SEMA5A: variants seen among roughly 807,000 people sequenced by gnomAD.
SEMA5A encodes the protein semaphorin 5A.
In SEMA5A, 55 loss-of-function variants were observed where a neutral mutation model predicts 135.5. That is an observed-to-expected ratio of 0.41 (90% CI 0.33 to 0.51). The LOEUF is 0.51. SEMA5A is among the 20% of genes least tolerant of loss of function. SEMA5A has a pLI of 0.37. For missense variants in SEMA5A, 1,290 were observed against 1,419.9 expected (o/e 0.91, Z 1.47); for synonymous variants, 580 against 546.5 (o/e 1.06, Z -0.85).
At chr5:9,322,755 T>G (rs1752686336) in intron 4 of SEMA5A, among the ~76,000 whole-genome samples, 1 of 152,108 alleles carries the variant, frequency 6.6e-6, no homozygotes, top group Admixed American at 6.6e-5. Context: ...TGTCTTGGTG[T>G]CCTTTGTCCC....
At chr5:9,168,896 G>C (rs546176389) in intron 11 of SEMA5A, among the ~76,000 whole-genome samples, 1 of 152,162 alleles carries the variant, frequency 6.6e-6, no homozygotes, top group East Asian at 1.9e-4. Context: ...TCTCATTCTT[G>C]TTCTAAAATC....
chr5:9,497,581 C>T (rs957955370), intron 1 of SEMA5A, among the ~76,000 whole-genome samples: 1 of 152,176 alleles, frequency 6.6e-6, no homozygotes, highest in African/African-American at 2.4e-5. Context: ...AAATACTTAG[C>T]CTGCACTTCA....
At chr5:9,389,740 G>C (rs1298521209) in intron 2 of SEMA5A, among the ~76,000 whole-genome samples, 1 of 152,032 alleles carries the variant, frequency 6.6e-6, no homozygotes, top group Non-Finnish European at 1.5e-5. Flanking sequence ...GAGTTTCCTT[G>C]CTGCTAATCC....
intron 8 of SEMA5A, among the ~76,000 whole-genome samples, chr5:9,211,401 T>G (rs531912110): frequency 6.9e-4 from 105 of 152,304 alleles, no homozygotes; most frequent in African/African-American, 2.4e-3. Context: ...TTGTCTTTGT[T>G]TTGCTTGTTC....
intron 5 of SEMA5A, among the ~76,000 whole-genome samples, chr5:9,282,561 G>A (rs906043177): frequency 7.9e-5 from 12 of 152,172 alleles, no homozygotes; most frequent in East Asian, 1.9e-4. Flanking sequence ...ATTATATGAC[G>A]TATATTTATA....
chr5:9,122,837 T>G lies in SEMA5A; in HGVS notation c.1600A>C (p.Thr534Pro). ...TGCCCATCCACGGTGAGATTCCTGG[T>G]CTAGGAAGCAAAACCAAGCAGAGGT... ...QWEQSISACP[T>P]RNLTVDGHFG... Residue 534 changes from threonine to proline, a missense_variant and splice_region_variant, in exon 14 of 23, where the codon ACC (threonine) becomes CCC (proline). By Grantham distance (38) the Thr-to-Pro change is conservative (BLOSUM62 -1). Transcript: ENST00000382496. The G allele has an allele frequency of 1.3e-6, 2 of 1,591,188 alleles. No homozygotes were observed. Among genetic ancestry groups the G allele is most frequent in the Non-Finnish European group, 8.6e-7 (1 of 1,165,480 alleles).
At chr5:9,153,611 AG>A (rs11435553) in intron 12 of SEMA5A, among the ~76,000 whole-genome samples, 155 of 150,692 alleles carry the variant, frequency 1.0e-3, no homozygotes, top group African/African-American at 3.2e-3. Context: ...GTGGCGGGGG[AG>A]GGGGGGGTGT....
chr5:9,439,155 C>T (rs1483150143), intron 1 of SEMA5A, among the ~76,000 whole-genome samples: 1 of 152,182 alleles, frequency 6.6e-6, no homozygotes, highest in Non-Finnish European at 1.5e-5. Flanking sequence ...AAGTCCGTGA[C>T]ATCATCCTTT....
At chr5:9,439,471 C>T (rs1056793109) in intron 1 of SEMA5A, among the ~76,000 whole-genome samples, 3 of 152,218 alleles carry the variant, frequency 2.0e-5, no homozygotes, top group Admixed American at 6.5e-5. Flanking sequence ...CTCTGGTTAC[C>T]GCCATGAATA....
chr5:9,317,639 A>G (rs1025218334), intron 5 of SEMA5A, among the ~76,000 whole-genome samples: 6 of 152,220 alleles, frequency 3.9e-5, no homozygotes, highest in African/African-American at 1.4e-4. Context: ...CTAGCACATG[A>G]GAGTGAGACG....
At chr5:9,364,773 T>A (rs942316256) in intron 3 of SEMA5A, among the ~76,000 whole-genome samples, 1 of 152,200 alleles carries the variant, frequency 6.6e-6, no homozygotes. Flanking sequence ...CACCAACAGA[T>A]CCTTCCATTC....
chr5:9,508,899 AAAAGTGG>A, intron 1 of SEMA5A, among the ~76,000 whole-genome samples: 1 of 152,316 alleles, frequency 6.6e-6, no homozygotes, highest in Non-Finnish European at 1.5e-5. Context: ...AGGATGAAGA[AAAAGTGG>A]ATCTACAACT....
rs550932973 is a variant in SEMA5A at position 9,367,274 on chromosome 5, C to T, written c.124+12549G>A. On this transcript the variant is annotated intron_variant, in intron 3 of 22. Transcript: ENST00000382496. ...CAATACAGAATATGAGCATTTCTAT[C>T]ATCATAGAAAGTTCTATTGGCCAGC... The T allele has an allele frequency of 5.9e-5, 9 of 152,294 alleles. No individual in the cohort carries two copies. In the South Asian group the frequency reaches 1.7e-3, roughly 28 times the overall value. 9.4% of individuals were successfully genotyped at this position (152,294 alleles called of 1,614,324 possible).
chr5:9,323,278 T>G (rs1244153187), intron 4 of SEMA5A, among the ~76,000 whole-genome samples: 1 of 152,242 alleles, frequency 6.6e-6, no homozygotes, highest in Non-Finnish European at 1.5e-5. Flanking sequence ...AAATGGCCAT[T>G]CAACAAAAGT....
intron 16 of SEMA5A, among the ~76,000 whole-genome samples, chr5:9,067,580 CATAAA>C (rs10572661): frequency 0.78 from 117,690 of 151,082 alleles, 46,047 homozygotes; most frequent in East Asian, 0.94. Context: ...TAAGCTTTAT[CATAAA>C]ATAAAATAAA....
At chr5:9,122,242 C>G (rs1361326232) in intron 14 of SEMA5A, among the ~76,000 whole-genome samples, 9 of 152,162 alleles carry the variant, frequency 5.9e-5, no homozygotes, top group African/African-American at 2.2e-4. Context: ...AGGTGAGGTG[C>G]TCTGAGCTCC....
At chr5:9,205,177 C>G (rs1745941574) in intron 8 of SEMA5A, among the ~76,000 whole-genome samples, 1 of 152,104 alleles carries the variant, frequency 6.6e-6, no homozygotes, top group African/African-American at 2.4e-5. Flanking sequence ...ATGGTAAGCT[C>G]TTGGCTGGAC....
intron 21 of SEMA5A, 130 bp from the exon 22 acceptor site, chr5:9,044,714 C>T (rs1736156398): frequency 1.4e-6 from 1 of 719,316 alleles, no homozygotes; most frequent in South Asian, 1.8e-5. Context: ...AGGAAATTAT[C>T]ATTCTTAAGA....
At chr5:9,528,790 T>A (rs1364464784) in intron 1 of SEMA5A, among the ~76,000 whole-genome samples, 1 of 152,188 alleles carries the variant, frequency 6.6e-6, no homozygotes, top group Non-Finnish European at 1.5e-5. Context: ...TGTATACCAA[T>A]AGATCTCCAG....
Sources: allele counts gnomAD v4.1 joint callset (sites outside exome capture counted in the v4.1 genomes callset), GRCh38; gene constraint gnomAD v4.1.1; transcripts MANE v1.5; gene names NCBI Gene and HGNC (gene_info 2026-07-23, HGNC 2026-07-21).